Variants in LARP4B observed in about 807,000 individuals in gnomAD.
The protein encoded by LARP4B is la-related protein 4B.
Under a neutral mutation model 89.8 loss-of-function variants are expected in LARP4B, and 12 were observed. The observed-to-expected ratio is 0.13, with a 90% CI of 0.09 to 0.22. The LOEUF is 0.22. Among genes scored for constraint, LARP4B ranks in the 10% least tolerant of loss-of-function variants. The pLI, the probability that LARP4B is intolerant of heterozygous loss-of-function variation, is 1.00. For missense variants in LARP4B, 757 were observed against 947.7 expected (o/e 0.80, Z 2.64); for synonymous variants, 367 against 363.3 (o/e 1.01, Z -0.12).
chr10:923,889 T>C (rs1409498591), intron 1 of LARP4B, among the ~76,000 whole-genome samples: 1 of 152,146 alleles, frequency 6.6e-6, no homozygotes, highest in African/African-American at 2.4e-5. Flanking sequence ...TTATCTGAAA[T>C]AACAAATATA....
At chr10:864,810 G>A (rs940498053) in intron 3 of LARP4B, among the ~76,000 whole-genome samples, 17 of 152,164 alleles carry the variant, frequency 1.1e-4, no homozygotes, top group Middle Eastern at 3.4e-3. Context: ...AAAATTAGCC[G>A]GGCGTGGTGG....
chr10:835,226 G>T (rs1483456354), intron 8 of LARP4B, among the ~76,000 whole-genome samples: 1 of 152,202 alleles, frequency 6.6e-6, no homozygotes, highest in Non-Finnish European at 1.5e-5. Context: ...TTCTATGAGA[G>T]TAATAGAATT....
At chr10:925,684 C>T (rs1450105944) in intron 1 of LARP4B, among the ~76,000 whole-genome samples, 1 of 152,130 alleles carries the variant, frequency 6.6e-6, no homozygotes, top group African/African-American at 2.4e-5. Context: ...CGAGCACGCA[C>T]CACCACGCCT....
chr10:978,543 C>T, the LARP4B span, among the ~76,000 whole-genome samples: 1 of 152,058 alleles, frequency 6.6e-6, no homozygotes, highest in African/African-American at 2.4e-5. Flanking sequence ...GGAAGTTATA[C>T]ATTCTGCTTG....
At chr10:861,709 T>C (rs1564413311) in intron 5 of LARP4B, among the ~76,000 whole-genome samples, 1 of 152,190 alleles carries the variant, frequency 6.6e-6, no homozygotes, top group Non-Finnish European at 1.5e-5. Context: ...ATTTCACTGT[T>C]GATAACATTA....
At chr10:825,723 A>G (rs1411402373) in intron 12 of LARP4B, 41 bp downstream of exon 12, 14 of 1,331,342 alleles carry the variant, frequency 1.1e-5, no homozygotes, top group Non-Finnish European at 1.5e-5. Flanking sequence ...GAAGGGCAGT[A>G]GCGTAAAGAC....
intron 5 of LARP4B, among the ~76,000 whole-genome samples, chr10:845,735 A>G (rs1456878561): frequency 2.0e-5 from 3 of 152,252 alleles, no homozygotes; most frequent in African/African-American, 7.2e-5. Context: ...AAGACACTGC[A>G]TAAACTGCTG....
At chr10:879,782 C>CT (rs1001050901) in intron 3 of LARP4B, among the ~76,000 whole-genome samples, 62 of 149,576 alleles carry the variant, frequency 4.1e-4, no homozygotes, top group Non-Finnish European at 7.0e-4. Context: ...CTTTTCTTTT[C>CT]TTTTTTTTGA....
chr10:864,109 C>T lies in LARP4B; in HGVS notation c.289+14G>A. ...AAAGCAGGGGGCTGCACACCACGGC[C>T]ATGCTCAACTTACCCTGCGGGCCAC... is the stretch of plus-strand genomic sequence containing the variant. On this transcript the variant is annotated intron_variant, in intron 4 of 17. Transcript: ENST00000316157. The T allele has an allele frequency of 6.2e-7, 1 of 1,614,078 alleles. No homozygotes were observed. The highest frequency in any genetic ancestry group is 8.5e-7 in the Non-Finnish European group (1 of 1,179,942).
intron 1 of LARP4B, among the ~76,000 whole-genome samples, chr10:896,364 T>C (rs2131972062): frequency 6.6e-6 from 1 of 152,346 alleles, no homozygotes; most frequent in African/African-American, 2.4e-5. Context: ...ATGAAATGAC[T>C]ACCAAAATAA....
chr10:929,482 G>GC (rs1169426278), intron 1 of LARP4B, among the ~76,000 whole-genome samples: 5 of 152,140 alleles, frequency 3.3e-5, no homozygotes, highest in Non-Finnish European at 7.3e-5. Context: ...GTAAATCCCA[G>GC]CTACTCGGGG....
chr10:944,077 G>A, the LARP4B span, among the ~76,000 whole-genome samples: 1 of 152,184 alleles, frequency 6.6e-6, no homozygotes, highest in Non-Finnish European at 1.5e-5. Context: ...TGAATTTTGA[G>A]GTCAGACTTG....
At chr10:849,321 A>G (rs1364002443) in intron 5 of LARP4B, among the ~76,000 whole-genome samples, 1 of 152,226 alleles carries the variant, frequency 6.6e-6, no homozygotes, top group Admixed American at 6.5e-5. Flanking sequence ...AAGGAGAAAC[A>G]AAACAAAACA....
the LARP4B span, among the ~76,000 whole-genome samples, chr10:968,078 T>C: frequency 1.3e-5 from 2 of 152,128 alleles, no homozygotes; most frequent in Non-Finnish European, 2.9e-5. Flanking sequence ...GCTCAGGAAA[T>C]AGTCAAGCAG....
intron 15 of LARP4B, among the ~76,000 whole-genome samples, chr10:816,810 G>A (rs1328375349): frequency 6.6e-6 from 1 of 152,200 alleles, no homozygotes; most frequent in Non-Finnish European, 1.5e-5. Flanking sequence ...GGCTTTCATT[G>A]TAAAGATACT....
chr10:909,231 T>C (rs1836593983), intron 1 of LARP4B, among the ~76,000 whole-genome samples: 2 of 148,718 alleles, frequency 1.3e-5, no homozygotes, highest in Middle Eastern at 3.4e-3. Context: ...GAGGTGGAGC[T>C]TGCGGTGAGC....
At chr10:914,447 C>T (rs1353214014) in intron 1 of LARP4B, among the ~76,000 whole-genome samples, 1 of 151,098 alleles carries the variant, frequency 6.6e-6, no homozygotes, top group African/African-American at 2.4e-5. Context: ...TGCAGTGAGC[C>T]GAGATCACGC....
intron 3 of LARP4B, among the ~76,000 whole-genome samples, chr10:883,022 A>T (rs1469551388): frequency 6.6e-6 from 1 of 152,244 alleles, no homozygotes; most frequent in East Asian, 1.9e-4. Context: ...ATTAGAAAAC[A>T]TTCATAGCAA....
Position 879,509 on chromosome 10 carries a change from T to C in LARP4B, c.141+4938A>G, listed in dbSNP as rs184805321. On this transcript the variant is annotated intron_variant, in intron 3 of 17. Coordinates refer to ENST00000316157, the MANE Select transcript of LARP4B (RefSeq NM_015155.3). ...AAGTTCTTAGGTCTTTTGTTTTTAT[T>C]TTTTTAGAGACAGGGTCTCCCTCTG... is the stretch of plus-strand genomic sequence containing the variant. Among the ~76,000 whole-genome samples the C allele has an allele frequency of 1.9e-4, 29 of 152,262 alleles. 1 individual carries two copies. The highest frequency in any genetic ancestry group is 4.0e-4 in the Non-Finnish European group (27 of 68,028).
Sources: allele counts gnomAD v4.1 joint callset (sites outside exome capture counted in the v4.1 genomes callset), GRCh38; gene constraint gnomAD v4.1.1; transcripts MANE v1.5; gene names NCBI Gene and HGNC (gene_info 2026-07-23, HGNC 2026-07-21).